Variants in FHIP2A observed in about 807,000 individuals in gnomAD.
FHIP2A encodes FHF complex subunit HOOK interacting protein 2A.
A neutral mutation model predicts 93.5 loss-of-function variants in FHIP2A; 46 were observed. The observed-to-expected ratio is 0.49, with a 90% CI of 0.39 to 0.63. The LOEUF is 0.63. Among genes scored for constraint, FHIP2A ranks in the 20% least tolerant of loss-of-function variants. FHIP2A has a pLI of 0.00. For missense variants in FHIP2A, 769 were observed against 909.7 expected, an observed-to-expected ratio of 0.85 and a Z score of 1.99; for synonymous variants, 332 against 326.5, an observed-to-expected ratio of 1.02 and a Z score of -0.18.
At chr10:114,859,515 A>C (rs1003374457) in intron 14 of FHIP2A, among the ~76,000 whole-genome samples, 1 of 151,968 alleles carries the variant, frequency 6.6e-6, no homozygotes, top group African/African-American at 2.4e-5. Flanking sequence ...TGTCTGTCTC[A>C]CTCTTGCCAC....
rs1277276530 is a variant in FHIP2A, at chr10:114,874,056, A to G, written c.2192+12722A>G. Among the ~76,000 whole-genome samples, 5 of 152,192 alleles carry G rather than the reference A, an allele frequency of 3.3e-5. No individual in the cohort carries two copies. In the East Asian group the frequency reaches 9.6e-4, roughly 29 times the overall value. The stretch of plus-strand genomic sequence containing the variant: ...GTATTGGACTAGACACGTGGTATTT[A>G]TAAAGCCTTTCAACCTAAGCACTCT... On this transcript the variant is annotated intron_variant, in intron 16 of 16. Coordinates refer to the FHIP2A transcript ENST00000369250.
In FHIP2A at chr10:114,821,996, G is replaced by C. The variant is rs2083527282; in HGVS notation, c.-83G>C. 2 of 934,094 alleles carry C rather than the reference G, an allele frequency of 2.1e-6. No individual in the cohort carries two copies. Among genetic ancestry groups the C allele is most frequent in the African/African-American group, 3.5e-5 (2 of 57,170 alleles). 57.9% of individuals were successfully genotyped at this position (934,094 alleles called of 1,614,324 possible). A position where few individuals can be genotyped will look rare whatever the true frequency, so the allele number is the denominator to read the frequency against. On this transcript the variant is annotated 5_prime_UTR_variant, in exon 1 of 17. Transcript: ENST00000369248. ...CCGGCCTTCACTCTGGAGCGGCCCC[G>C]GCAGCCGCAGCAGGGGCGGCGGCGG...
At chr10:114,882,119 T>C (rs1339533197) in intron 16 of FHIP2A, among the ~76,000 whole-genome samples, 2 of 152,238 alleles carry the variant, frequency 1.3e-5, no homozygotes, top group East Asian at 1.9e-4. Context: ...GTCTGCTTAC[T>C]CACGGACAGA....
In FHIP2A at chr10:114,864,185, A is replaced by G; in HGVS notation, c.*2645A>G. 6.1e-6 allele frequency: 6 copies of G among 984,684 alleles called. No homozygotes were observed. The highest frequency in any genetic ancestry group is 7.2e-6 in the Non-Finnish European group (6 of 828,912). The allele number at this position is 984,684 out of a possible 1,614,324, so 61.0% of individuals were successfully genotyped here. A position where few individuals can be genotyped will look rare whatever the true frequency, so the allele number is the denominator to read the frequency against. The stretch of plus-strand genomic sequence containing the variant: ...CTGTTGCTAGTGTAAACATTGTTAC[A>G]CTTAATTTTACAGGGCACAAATTAT... On this transcript the variant is annotated 3_prime_UTR_variant, in exon 17 of 17. Coordinates refer to ENST00000369248, the MANE Select transcript of FHIP2A (RefSeq NM_020940.4).
chr10:114,827,953 A>G (rs2083586991), intron 1 of FHIP2A, among the ~76,000 whole-genome samples: 1 of 152,108 alleles, frequency 6.6e-6, no homozygotes, highest in Non-Finnish European at 1.5e-5. Flanking sequence ...TTTAAAATTT[A>G]ATTCTCTGTG....
intron 16 of FHIP2A, among the ~76,000 whole-genome samples, chr10:114,871,129 A>G (rs191902427): frequency 9.9e-4 from 144 of 144,906 alleles, no homozygotes; most frequent in African/African-American, 3.4e-3. Flanking sequence ...TATATATATT[A>G]TATATATATA....
chr10:114,835,029 T>A (rs1347613323), intron 3 of FHIP2A, among the ~76,000 whole-genome samples: 1 of 152,222 alleles, frequency 6.6e-6, no homozygotes, highest in African/African-American at 2.4e-5. Flanking sequence ...AAAATGATGT[T>A]AGGATAAAAT....
chr10:114,887,928 G>T (rs932735021), intron 16 of FHIP2A, among the ~76,000 whole-genome samples: 10 of 152,176 alleles, frequency 6.6e-5, no homozygotes, highest in African/African-American at 2.4e-4. Context: ...CCCAGAGAAT[G>T]GCCTGGGCTT....
At chr10:114,822,241 G>T in intron 1 of FHIP2A, 118 bp downstream of exon 1, 1 of 504,852 alleles carries the variant, frequency 2.0e-6, no homozygotes. Flanking sequence ...CCTGTCCCCG[G>T]TTGGGGTGAG....
intron 1 of FHIP2A, among the ~76,000 whole-genome samples, chr10:114,828,196 G>A (rs879475963): frequency 7.9e-5 from 12 of 152,078 alleles, no homozygotes; most frequent in Non-Finnish European, 1.6e-4. Flanking sequence ...TAGTTAAATA[G>A]GTTTCTTATT....
chr10:114,825,442 G>A (rs963341652), intron 1 of FHIP2A, among the ~76,000 whole-genome samples: 3 of 152,160 alleles, frequency 2.0e-5, no homozygotes, highest in African/African-American at 4.8e-5. Flanking sequence ...TACTTATAAC[G>A]TGAAAAATAT....
intron 5 of FHIP2A, among the ~76,000 whole-genome samples, chr10:114,836,650 A>G (rs116168962): frequency 0.012 from 1,764 of 152,286 alleles, 35 homozygotes; most frequent in African/African-American, 0.04. Context: ...AAAAAGCACG[A>G]GTTATCTCTC....
In FHIP2A at chr10:114,874,152, C is replaced by G. The variant is rs528679946; in HGVS notation, c.2192+12818C>G. On this transcript the variant is annotated intron_variant, in intron 16 of 16. Transcript: ENST00000369250. ...ATGAGTGACTGAGTGGGAAGCACAGCTGAACTTGTTTGGAGACAAGAGTGT... is the reference window on the plus strand; with the variant it reads ...ATGAGTGACTGAGTGGGAAGCACAGGTGAACTTGTTTGGAGACAAGAGTGT... Among the ~76,000 whole-genome samples the G allele has an allele frequency of 1.0e-3, 156 of 152,326 alleles. 1 individual carries two copies. The highest frequency in any genetic ancestry group is 2.9e-3 in the African/African-American group (120 of 41,576).
At chr10:114,890,618 C>G (rs1051097483) in intron 16 of FHIP2A, among the ~76,000 whole-genome samples, 1 of 143,064 alleles carries the variant, frequency 7.0e-6, no homozygotes, top group East Asian at 2.0e-4. Flanking sequence ...ATAAAATATA[C>G]GCTATATATG....
Position 114,835,567 on chromosome 10 carries a change from G to A in FHIP2A, c.325G>A (p.Val109Ile), listed in dbSNP as rs768537726. 6.2e-6 allele frequency: 10 copies of A among 1,613,014 alleles called. No homozygotes were observed. Among genetic ancestry groups the A allele is most frequent in the Non-Finnish European group, 8.5e-6 (10 of 1,179,336 alleles). The stretch of plus-strand genomic sequence containing the variant: ...TCCGGGAATGAAACAGCAGGTTTTG[G>A]TTTTCTATACGAAACTTCTGGGAAG... ...CPPGMKQQVLVFYTKLLGRIR... is the reference protein window; with the variant it reads ...CPPGMKQQVLIFYTKLLGRIR... Residue 109 changes from valine to isoleucine, a missense_variant, in exon 4 of 17, where the codon GTT becomes ATT. Coordinates refer to ENST00000369248, the MANE Select transcript of FHIP2A (RefSeq NM_020940.4).
chr10:114,840,442 A>G (rs915726534), intron 5 of FHIP2A, among the ~76,000 whole-genome samples: 3 of 152,192 alleles, frequency 2.0e-5, no homozygotes, highest in African/African-American at 4.8e-5. Flanking sequence ...GCCATTAACT[A>G]TTTTTGAGCA....
intron 16 of FHIP2A, among the ~76,000 whole-genome samples, chr10:114,881,075 A>ATTT (rs561748996): frequency 2.5e-3 from 380 of 152,292 alleles, no homozygotes; most frequent in Non-Finnish European, 3.7e-3. Context: ...CGCTGGATGA[A>ATTT]TCTGGGACTT....
At chr10:114,898,492 A>G (rs949917228) in intron 16 of FHIP2A, among the ~76,000 whole-genome samples, 4 of 152,008 alleles carry the variant, frequency 2.6e-5, no homozygotes, top group Non-Finnish European at 5.9e-5. Flanking sequence ...CTTCTCCTCT[A>G]TCTACTGGGC....
intron 16 of FHIP2A, among the ~76,000 whole-genome samples, chr10:114,874,859 C>G (rs1210706863): frequency 6.6e-6 from 1 of 152,182 alleles, no homozygotes; most frequent in Non-Finnish European, 1.5e-5. Flanking sequence ...GTGACTCAGG[C>G]CTCTCTAGGC....
Sources: allele counts gnomAD v4.1 joint callset (sites outside exome capture counted in the v4.1 genomes callset), GRCh38; gene constraint gnomAD v4.1.1; transcripts MANE v1.5; gene names NCBI Gene and HGNC (gene_info 2026-07-23, HGNC 2026-07-21).